SCARF2: variants seen among roughly 807,000 people sequenced by gnomAD.
SCARF2 encodes the protein scavenger receptor class F member 2.
SCARF2 carries 39 observed loss-of-function variants against 73.4 expected under a neutral mutation model. That is an observed-to-expected ratio of 0.53 (90% CI 0.41 to 0.69). The LOEUF is 0.69. Among genes scored for constraint, SCARF2 ranks in the 30% least tolerant of loss-of-function variants. The pLI is 0.00. For synonymous variants in SCARF2, 605 were observed against 590.0 expected (o/e 1.03, Z -0.37); for missense variants, 1,148 against 1,303.5 (o/e 0.88, Z 1.84).
chr22:20,429,509 C>A lies in SCARF2; in HGVS notation c.1424+27G>T. 1 of 1,610,090 alleles carries A rather than the reference C, an allele frequency of 6.2e-7. No individual in the cohort carries two copies. On this transcript the variant is annotated intron_variant, in intron 8 of 10. Transcript: ENST00000622235. The surrounding 1 kb of genome is among the most constrained non-coding windows in gnomAD (Gnocchi z 5.2). ...CCAGAGGGTGCGGCCTGAACCCAGG[C>A]GAAAGCGGGGCAGTATCTGGGCTCA...
Position 20,431,068 on chromosome 22 carries a change from G to C in SCARF2, c.804C>G (p.Tyr268Ter). 6.4e-7 allele frequency: 1 copy of C among 1,553,346 alleles called. No individual in the cohort carries two copies. Among genetic ancestry groups the C allele is most frequent in the East Asian group, 2.4e-5 (1 of 41,858 alleles). ...CACEPGYRGK[Y>*]CREPCPAGFY... ...AGCCGGCGGGGCACGGCTCGCGACA[G>C]TACTTGCCGCGGTAGCCCGGCTCGC... is the stretch of plus-strand genomic sequence containing the variant. The change falls in exon 4 of 11, where the codon TAC (tyrosine) becomes TAG (stop). Residue 268 changes from tyrosine to a stop codon, truncating the protein, a stop_gained. Coordinates refer to ENST00000622235, the MANE Select transcript of SCARF2 (RefSeq NM_182895.5). LOFTEE classifies it high-confidence loss of function.
intron 1 of SCARF2, among the ~76,000 whole-genome samples, chr22:20,432,863 A>C (rs1044920671): frequency 1.1e-4 from 16 of 152,200 alleles, no homozygotes; most frequent in Non-Finnish European, 2.2e-4. Flanking sequence ...AATTACAGGC[A>C]CGTGCCACCA....
intron 1 of SCARF2, among the ~76,000 whole-genome samples, chr22:20,434,194 G>C (rs1341826506): frequency 1.3e-5 from 2 of 152,190 alleles, no homozygotes; most frequent in African/African-American, 4.8e-5. Context: ...TCAGGAAGCT[G>C]AGGCAAGAGG....
intron 3 of SCARF2, 51 bp from the exon 4 acceptor site, chr22:20,431,588 C>A: frequency 6.5e-7 from 1 of 1,544,940 alleles, no homozygotes; most frequent in South Asian, 1.2e-5. Flanking sequence ...TGAGTAGGTG[C>A]CCCCAGCCAG....
Position 20,425,863 on chromosome 22 carries a change from A to G in SCARF2, c.2113T>C (p.Ser705Pro). Residue 705 changes from serine to proline, a missense_variant, in exon 11 of 11, where the codon TCG (serine) becomes CCG (proline). Physicochemically the swap from Ser to Pro is moderately conservative, Grantham distance 74 (BLOSUM62 -1). Coordinates refer to ENST00000622235, the MANE Select transcript of SCARF2 (RefSeq NM_182895.5). The surrounding 1 kb of genome is among the most constrained non-coding windows in gnomAD (Gnocchi z 4.6). Reference protein sequence around the residue: ...SKRKRTPSDKSAHTVEHGSPR... With the variant: ...SKRKRTPSDKPAHTVEHGSPR... ...CTGCCGTGTTCGACCGTATGCGCCG[A>G]TTTGTCGCTGGGCGTCCGTTTCCTC... 1 of 1,594,016 alleles carries G rather than the reference A, an allele frequency of 6.3e-7. No homozygotes were observed. The highest frequency in any genetic ancestry group is 8.5e-7 in the Non-Finnish European group (1 of 1,173,934).
rs1934395031 is a variant in SCARF2 at position 20,425,482 on chromosome 22, G to T, written c.2494C>A (p.Pro832Thr). The change falls in exon 11 of 11, where the codon CCC (proline) becomes ACC (threonine). Residue 832 changes from proline to threonine, a missense_variant. Coordinates refer to ENST00000622235, the MANE Select transcript of SCARF2 (RefSeq NM_182895.5). This position sits in a 1 kb window ranked among gnomAD's most constrained non-coding sequence, Gnocchi z 4.6. ...TTCTTCCGGGGGGTCTCAGGCGCGG[G>T]CAAGTCGGTCGCCGCCTTCTCAGGC... is the stretch of plus-strand genomic sequence containing the variant. ...PGPEKAATDLPAPETPRKKTP... is the reference protein window; with the variant it reads ...PGPEKAATDLTAPETPRKKTP... 1.5e-6 allele frequency: 2 copies of T among 1,373,466 alleles called. No individual in the cohort carries two copies. The highest frequency in any genetic ancestry group is 1.9e-6 in the Non-Finnish European group (2 of 1,063,102). The allele number at this position is 1,373,466 out of a possible 1,614,324, so 85.1% of individuals were successfully genotyped here. A position where few individuals can be genotyped will look rare whatever the true frequency, so the allele number is the denominator to read the frequency against.
chr22:20,430,964 A>T, intron 4 of SCARF2, 54 bp downstream of exon 4: 1 of 1,563,338 alleles, frequency 6.4e-7, no homozygotes, highest in Non-Finnish European at 8.6e-7. Flanking sequence ...CCCTGTCCCC[A>T]TCGGCGGCCC....
In SCARF2 at chr22:20,431,792, C is replaced by G. The variant is rs1339763207; in HGVS notation, c.287G>C (p.Gly96Ala). ...GTAGCCGTGGCGGCAGCGGCACTCGCCAGGCCTCACGCACACCTCGTTCTC... is the reference window on the plus strand; with the variant it reads ...GTAGCCGTGGCGGCAGCGGCACTCGGCAGGCCTCACGCACACCTCGTTCTC... ...CSENEVCVRP[G>A]ECRCRHGYFG... Residue 96 changes from glycine (G) to alanine (A), a missense_variant, in exon 3 of 11, where the codon GGC becomes GCC. This residue lies in a region of SCARF2 where 372 missense variants were observed against 532.0 expected (regional missense o/e 0.70). Coordinates refer to ENST00000622235, the MANE Select transcript of SCARF2 (RefSeq NM_182895.5). The G allele has an allele frequency of 8.8e-6, 14 of 1,594,958 alleles. No individual in the cohort carries two copies. The highest frequency in any genetic ancestry group is 1.2e-5 in the Non-Finnish European group (14 of 1,172,144).
In SCARF2 at chr22:20,431,074, G is replaced by T; in HGVS notation, c.798C>A (p.Gly266=). The T allele has an allele frequency of 6.4e-7, 1 of 1,550,546 alleles. No individual in the cohort carries two copies. The highest frequency in any genetic ancestry group is 2.4e-5 in the East Asian group (1 of 41,720). Residue 266 remains glycine (G), a synonymous_variant, in exon 4 of 11, where the codon GGC becomes GGA. Transcript: ENST00000622235. ...CGGGGCACGGCTCGCGACAGTACTT[G>T]CCGCGGTAGCCCGGCTCGCAGGCAC... ...GTCACEPGYR[G]KYCREPCPAG... is the part of the protein sequence containing the mutation.
At chr22:20,432,094 G>T in intron 1 of SCARF2, 106 bp from the exon 2 acceptor site, 1 of 1,168,904 alleles carries the variant, frequency 8.6e-7, no homozygotes, top group Non-Finnish European at 1.2e-6. Context: ...CTGCAGTTGC[G>T]CTCCTGTCCT....
chr22:20,426,029 G>T lies in SCARF2; in HGVS notation c.1947C>A (p.Pro649=), dbSNP rs372616288. ...EIGGLSLSPS[P]ERRKPPPPDP... is the part of the protein sequence containing the mutation. ...CAGGTGGCGGCGGTTTCCTGCGCTC[G>T]GGCGATGGCGACAGCGACAGGCCCC... Residue 649 remains proline (P), a synonymous_variant, in exon 11 of 11, where the codon CCC becomes CCA. Coordinates refer to ENST00000622235, the MANE Select transcript of SCARF2 (RefSeq NM_182895.5). The T allele has an allele frequency of 4.1e-5, 65 of 1,578,628 alleles. No homozygotes were observed. The African/African-American group carries it at 6.2e-4, about 15-fold the overall frequency.
chr22:20,427,371 G>C (rs780694075), intron 10 of SCARF2, 27 bp downstream of exon 10: 1 of 1,613,374 alleles, frequency 6.2e-7, no homozygotes, highest in East Asian at 2.2e-5. Context: ...CTGGGCTGGA[G>C]TGATGCCCAG....
At position 20,431,943 on chromosome 22, in the gene SCARF2, G is replaced by T. The variant is rs1256012921; in HGVS notation, c.219C>A (p.Asp73Glu). 1.4e-6 allele frequency: 2 copies of T among 1,476,238 alleles called. No homozygotes were observed. The highest frequency in any genetic ancestry group is 2.0e-5 in the Admixed American group (1 of 49,230). 91.4% of individuals were successfully genotyped at this position (1,476,238 alleles called of 1,614,324 possible). A position where few individuals can be genotyped will look rare whatever the true frequency, so the allele number is the denominator to read the frequency against. Residue 73 changes from aspartate (D) to glutamate (E), a missense_variant, in exon 2 of 11, where the codon GAC (aspartate) becomes GAA (glutamate). This residue lies in a region of SCARF2 where 124 missense variants were observed against 120.4 expected (regional missense o/e 1.03). Transcript: ENST00000622235. Reference sequence around the variant, plus strand: ...TGACCCACTCACCAATCCCACACTCGTCCCCTTGCTGCCTCCAGCCAGCGC... The same window carrying T: ...TGACCCACTCACCAATCCCACACTCTTCCCCTTGCTGCCTCCAGCCAGCGC... ...TCCAGWRQQG[D>E]ECGIAVCEGN...
In SCARF2 at chr22:20,429,011, C is replaced by T. The variant is rs2052611083; in HGVS notation, c.1540+214G>A. Among the ~76,000 whole-genome samples the T allele has an allele frequency of 6.6e-6, 1 of 152,138 alleles. No individual in the cohort carries two copies. Among genetic ancestry groups the T allele is most frequent in the African/African-American group, 2.4e-5 (1 of 41,434 alleles). Reference sequence around the variant, plus strand: ...TCTGACATATGCCCACATCAGCCGGCGCACCTAGGACTCCTGCCTTCCTAC... The same window carrying T: ...TCTGACATATGCCCACATCAGCCGGTGCACCTAGGACTCCTGCCTTCCTAC... On this transcript the variant is annotated intron_variant, in intron 9 of 10. Transcript: ENST00000622235. This position sits in a 1 kb window ranked among gnomAD's most constrained non-coding sequence, Gnocchi z 5.2.
chr22:20,427,296 C>T, intron 10 of SCARF2, 102 bp downstream of exon 10: 1 of 1,435,286 alleles, frequency 7.0e-7, no homozygotes, highest in Non-Finnish European at 9.6e-7. Flanking sequence ...AGGCCTTCCT[C>T]TCCATGCTGC....
chr22:20,429,409 G>A lies in SCARF2; in HGVS notation c.1425-69C>T, dbSNP rs765078051. The A allele has an allele frequency of 4.4e-5, 69 of 1,555,626 alleles. No individual in the cohort carries two copies. Among genetic ancestry groups the A allele is most frequent in the Non-Finnish European group, 5.9e-5 (68 of 1,151,252 alleles). ...GCCCAGGGGCGATTAGATCTCGGCC[G>A]GAGCCAAGCACAGAAGGGGCGGGGC... On this transcript the variant is annotated intron_variant, in intron 8 of 10. Transcript: ENST00000622235. The surrounding 1 kb of genome is among the most constrained non-coding windows in gnomAD (Gnocchi z 5.2).
chr22:20,431,941 T>A lies in SCARF2; in HGVS notation c.221A>T (p.Glu74Val). ...CCAGWRQQGDECGIAVCEGNS... is the reference protein window; with the variant it reads ...CCAGWRQQGDVCGIAVCEGNS... The stretch of plus-strand genomic sequence containing the variant: ...GATGACCCACTCACCAATCCCACAC[T>A]CGTCCCCTTGCTGCCTCCAGCCAGC... The change falls in exon 2 of 11, where the codon GAG (glutamate) becomes GTG (valine). Residue 74 changes from glutamate (E) to valine (V), a missense_variant. Physicochemically the swap from Glu to Val is moderately radical, Grantham distance 121 (BLOSUM62 -2). Around this residue, in one of 5 missense-constraint regions of SCARF2, gnomAD observed 124 missense variants for 120.4 expected, o/e 1.03. Coordinates refer to ENST00000622235, the MANE Select transcript of SCARF2 (RefSeq NM_182895.5). 2.2e-6 allele frequency: 3 copies of A among 1,383,554 alleles called. No individual in the cohort carries two copies. The highest frequency in any genetic ancestry group is 2.9e-6 in the Non-Finnish European group (3 of 1,048,190). 85.7% of individuals were successfully genotyped at this position (1,383,554 alleles called of 1,614,324 possible).
In SCARF2 at chr22:20,429,442, G is replaced by C. The variant is rs964284571; in HGVS notation, c.1424+94C>G. 1.9e-6 allele frequency: 3 copies of C among 1,568,184 alleles called. No individual in the cohort carries two copies. Among genetic ancestry groups the C allele is most frequent in the African/African-American group, 1.4e-5 (1 of 73,762 alleles). ...GCACAGAAGGGGCGGGGCCACGTCC[G>C]GGGCAGGGGCGCGGAAGGGTTGGAT... On this transcript the variant is annotated intron_variant, in intron 8 of 10. Transcript: ENST00000622235. The surrounding 1 kb of genome is among the most constrained non-coding windows in gnomAD (Gnocchi z 5.2).
In SCARF2 at chr22:20,424,988, C is replaced by A. The variant is rs1270153823; in HGVS notation, c.*387G>T. The A allele has an allele frequency of 5.4e-6, 1 of 185,434 alleles. No homozygotes were observed. Among genetic ancestry groups the A allele is most frequent in the African/African-American group, 2.3e-5 (1 of 42,856 alleles). The allele number at this position is 185,434 out of a possible 1,614,324, so 11.5% of individuals were successfully genotyped here. On this transcript the variant is annotated 3_prime_UTR_variant, in exon 11 of 11. Coordinates refer to ENST00000622235, the MANE Select transcript of SCARF2 (RefSeq NM_182895.5). ...CCTAGCGGGGGAGAGGCAGCCCGGG[C>A]AGAAGTGCCTCTGGCTGCAACCAAT...
Sources: gnomAD v4.1 joint callset for allele counts (sites outside exome capture counted in the v4.1 genomes callset) on GRCh38, gnomAD v4.1.1 for gene constraint, gnomAD v4.1.1 regional missense constraint, Gnocchi (gnomAD v3.1) non-coding constraint, MANE v1.5 for transcripts, NCBI Gene and HGNC (gene_info 2026-07-23, HGNC 2026-07-21) for gene names.